MRPL44: variants seen among roughly 807,000 people sequenced by gnomAD.
The protein encoded by MRPL44 is large ribosomal subunit protein mL44.
A neutral mutation model predicts 25.9 loss-of-function variants in MRPL44; 21 were observed. The ratio of observed to expected loss-of-function variants is 0.81; its 90% CI spans 0.58 to 1.17. The LOEUF is 1.17. MRPL44 is among the 50% of genes most tolerant of loss of function. The probability of loss-of-function intolerance (pLI) is 0.00; values close to 1 mark genes in which losing one functional copy is unlikely to be tolerated. For missense variants in MRPL44, 410 were observed against 398.9 expected, an observed-to-expected ratio of 1.03 and a Z score of -0.24; for synonymous variants, 169 against 151.0, an observed-to-expected ratio of 1.12 and a Z score of -0.87.
At chr2:223,955,100 T>A (rs1689545171), upstream of MRPL44, among the ~76,000 whole-genome samples, 3 of 152,236 alleles carry the variant, frequency 2.0e-5, no homozygotes, top group South Asian at 6.2e-4. Context: ...CACATTTATT[T>A]CCTAAGATGT....
intron 2 of MRPL44, among the ~76,000 whole-genome samples, chr2:223,963,318 C>T (rs1689690795): frequency 6.6e-6 from 1 of 152,036 alleles, no homozygotes; most frequent in African/African-American, 2.4e-5. Flanking sequence ...TGGTGTGCAC[C>T]TGTAGTCTCA....
upstream of MRPL44, among the ~76,000 whole-genome samples, chr2:223,954,026 C>T (rs555741342): frequency 4.9e-4 from 74 of 152,308 alleles, no homozygotes; most frequent in African/African-American, 1.7e-3. Flanking sequence ...AAGTGGAAAC[C>T]CTGTGCTTGA....
At chr2:223,959,422 CCTT>C (rs1440328001) in intron 1 of MRPL44, 109 bp from the exon 2 acceptor site, 55 of 834,314 alleles carry the variant, frequency 6.6e-5, no homozygotes, top group African/African-American at 4.7e-4. Flanking sequence ...AGAAATATAA[CCTT>C]CTTTCATTTC....
Position 223,959,965 on chromosome 2 carries a change from A to G in MRPL44, c.611A>G (p.Gln204Arg). The G allele has an allele frequency of 6.2e-7, 1 of 1,614,170 alleles. No homozygotes were observed. The highest frequency in any genetic ancestry group is 8.5e-7 in the Non-Finnish European group (1 of 1,180,004). Residue 204 changes from glutamine (Q) to arginine (R), a missense_variant, in exon 2 of 4, where the codon CAG (glutamine) becomes CGG (arginine). Physicochemically the swap from Gln to Arg is conservative, Grantham distance 43. Coordinates refer to ENST00000258383, the MANE Select transcript of MRPL44 (RefSeq NM_022915.5). Reference protein sequence around the residue: ...TFFAVIGALLQSSGPERTALF... With the variant: ...TFFAVIGALLRSSGPERTALF... ...TTTGCAGTTATTGGAGCCCTGTTACAGAGCAGTGGACCTGAGAGGACTGCA... is the reference window on the plus strand; with the variant it reads ...TTTGCAGTTATTGGAGCCCTGTTACGGAGCAGTGGACCTGAGAGGACTGCA...
chr2:223,959,563 C>T lies in MRPL44; in HGVS notation c.209C>T (p.Ala70Val), dbSNP rs1689623576. 1 of 1,611,878 alleles carries T rather than the reference C, an allele frequency of 6.2e-7. No homozygotes were observed. Among genetic ancestry groups the T allele is most frequent in the Non-Finnish European group, 8.5e-7 (1 of 1,179,104 alleles). ...GAGAAGCCGAACTGGGATTACCATG[C>T]AGAAATACAAGCTTTTGGACATCGG... The part of the protein sequence containing the change: ...RSEKPNWDYH[A>V]EIQAFGHRLQ... Residue 70 changes from alanine (A) to valine (V), a missense_variant, in exon 2 of 4, where the codon GCA (alanine) becomes GTA (valine). Coordinates refer to ENST00000258383, the MANE Select transcript of MRPL44 (RefSeq NM_022915.5).
At chr2:223,958,332 C>G (rs1210342022) in intron 1 of MRPL44, among the ~76,000 whole-genome samples, 1 of 152,122 alleles carries the variant, frequency 6.6e-6, no homozygotes, top group Non-Finnish European at 1.5e-5. Flanking sequence ...TATGTAACAG[C>G]GCGTAAAGGG....
chr2:223,963,856 T>C lies in MRPL44; in HGVS notation c.749T>C (p.Val250Ala), dbSNP rs768279727. 1 of 1,613,878 alleles carries C rather than the reference T, an allele frequency of 6.2e-7. No individual in the cohort carries two copies. The highest frequency in any genetic ancestry group is 1.7e-5 in the Admixed American group (1 of 59,990). Residue 250 changes from valine to alanine, a missense_variant, in exon 3 of 4, where the codon GTT (valine) becomes GCT (alanine). By Grantham distance (64) the Val-to-Ala change is moderately conservative (BLOSUM62 0). Coordinates refer to ENST00000258383, the MANE Select transcript of MRPL44 (RefSeq NM_022915.5). ...LLVEELKKRN[V>A]SAPESRLTRQ... ...GTAGAAGAACTGAAGAAAAGGAATG[T>C]TTCAGCTCCTGAATCAAGACTTACT...
chr2:223,962,899 AC>A (rs1347428185), intron 2 of MRPL44, among the ~76,000 whole-genome samples: 1 of 151,922 alleles, frequency 6.6e-6, no homozygotes, highest in Non-Finnish European at 1.5e-5. Flanking sequence ...ACAGGGTTTC[AC>A]CATGTTGGCC....
In MRPL44 at chr2:223,959,758, C is replaced by A. The variant is rs200574289; in HGVS notation, c.404C>A (p.Thr135Asn). The A allele has an allele frequency of 9.5e-5, 153 of 1,614,198 alleles. 2 individuals are homozygous for A. In the South Asian group the frequency reaches 1.5e-3, roughly 16 times the overall value. ...GAACAAGGGACATCTTTTTCACAGA[C>A]TTGCCTTACACAGTTTCTTGAAGAC... ...LSEQGTSFSQ[T>N]CLTQFLEDEY... The change falls in exon 2 of 4, where the codon ACT (threonine) becomes AAT (asparagine). Residue 135 changes from threonine (T) to asparagine (N), a missense_variant. Physicochemically the swap from Thr to Asn is moderately conservative, Grantham distance 65 (BLOSUM62 0). Transcript: ENST00000258383.
chr2:223,951,478 G>GTTTTTTTTTGTTTTGTTTTTTTTTT, the MRPL44 span, among the ~76,000 whole-genome samples: 25 of 112,560 alleles, frequency 2.2e-4, no homozygotes, highest in African/African-American at 6.1e-4. Context: ...TTACCTTGGA[G>GTTTTTTTTTGTTTTGTTTTTTTTTT]TTTTTTTTTT....
At chr2:223,951,478 G>GTTT in the MRPL44 span, among the ~76,000 whole-genome samples, 6 of 112,544 alleles carry the variant, frequency 5.3e-5, no homozygotes, top group Non-Finnish European at 3.6e-5. Flanking sequence ...TTACCTTGGA[G>GTTT]TTTTTTTTTT....
At chr2:223,951,922 A>G in the MRPL44 span, among the ~76,000 whole-genome samples, 4 of 152,238 alleles carry the variant, frequency 2.6e-5, no homozygotes, top group Non-Finnish European at 4.4e-5. Context: ...ATAAATGCCA[A>G]TATTATTTAT....
At chr2:223,953,828 T>A (rs1358263270), upstream of MRPL44, among the ~76,000 whole-genome samples, 1 of 152,222 alleles carries the variant, frequency 6.6e-6, no homozygotes, top group African/African-American at 2.4e-5. Flanking sequence ...ATGCTTTATT[T>A]AAAAAGCAAA....
chr2:223,955,527 G>A (rs1273382921), upstream of MRPL44, among the ~76,000 whole-genome samples: 1 of 152,126 alleles, frequency 6.6e-6, no homozygotes. Flanking sequence ...CCGTATTCCA[G>A]CTGCCTTCAC....
chr2:223,956,536 G>C (rs16865353), upstream of MRPL44, among the ~76,000 whole-genome samples: 2 of 152,182 alleles, frequency 1.3e-5, no homozygotes, highest in African/African-American at 4.8e-5. Context: ...GGTACCTGCA[G>C]TGGAAATAAA....
chr2:223,965,260 T>C (rs1689723714), intron 3 of MRPL44, among the ~76,000 whole-genome samples: 1 of 152,238 alleles, frequency 6.6e-6, no homozygotes, highest in Admixed American at 6.5e-5. Flanking sequence ...TGTTTATTAT[T>C]ATAAAGTTTA....
chr2:223,964,188 A>C (rs984663772), intron 3 of MRPL44, among the ~76,000 whole-genome samples: 16 of 152,208 alleles, frequency 1.1e-4, no homozygotes, highest in Non-Finnish European at 8.8e-5. Context: ...TTGTCAGCCA[A>C]CTATTTGCTA....
chr2:223,967,245 T>C lies in MRPL44; in HGVS notation c.*211T>C. 7.6e-6 allele frequency: 4 copies of C among 525,788 alleles called. No homozygotes were observed. The highest frequency in any genetic ancestry group is 5.5e-5 in the South Asian group (2 of 36,502). The allele number at this position is 525,788 out of a possible 1,614,324, so 32.6% of individuals were successfully genotyped here. A position where few individuals can be genotyped will look rare whatever the true frequency, so the allele number is the denominator to read the frequency against. On this transcript the variant is annotated 3_prime_UTR_variant, in exon 4 of 4. Transcript: ENST00000258383. ...TGGTTTGATCAAATCTTTTTTTTTT[T>C]CTCTTGAGATGGAGTCTTACTCTGT...
intron 3 of MRPL44, among the ~76,000 whole-genome samples, chr2:223,966,219 G>A (rs1333361636): frequency 7.3e-6 from 1 of 137,836 alleles, no homozygotes; most frequent in Non-Finnish European, 1.5e-5. Context: ...CTGGGCGACA[G>A]AGTGAGACTC....
Sources: gnomAD v4.1 joint callset for allele counts (sites outside exome capture counted in the v4.1 genomes callset) on GRCh38, gnomAD v4.1.1 for gene constraint, MANE v1.5 for transcripts, NCBI Gene and HGNC (gene_info 2026-07-23, HGNC 2026-07-21) for gene names.